Variants in EYS observed in about 807,000 individuals in gnomAD.
EYS encodes the protein EGF-like photoreceptor maintenance factor.
In EYS, 250 loss-of-function variants were observed where a neutral mutation model predicts 282.1. That is an observed-to-expected ratio of 0.89 (90% confidence interval 0.80 to 0.98). The LOEUF (loss-of-function observed/expected upper bound fraction) is 0.98. EYS is among the 50% of genes least tolerant of loss of function. The probability of loss-of-function intolerance (pLI) is 0.00; values close to 1 mark genes in which losing one functional copy is unlikely to be tolerated. For missense variants in EYS, 4,016 were observed against 3,709.0 expected, an observed-to-expected ratio of 1.08 and a Z score of -2.15; for synonymous variants, 1,355 against 1,282.9, an observed-to-expected ratio of 1.06 and a Z score of -1.20.
Position 65,071,987 on chromosome 6 carries a change from C to G in EYS, c.2024-14260G>C, listed in dbSNP as rs77457964. Among the ~76,000 whole-genome samples the G allele has an allele frequency of 7.1e-3, 1,073 of 151,836 alleles. 11 individuals carry two copies. The highest frequency in any genetic ancestry group is 0.024 in the African/African-American group (1,013 of 41,504). On this transcript the variant is annotated intron_variant, in intron 12 of 42. Transcript: ENST00000503581. ...TGTCTTGATATTGACTTTCCAGCCT[C>G]CAGACTATAAGATAATAAATTTCTC...
intron 22 of EYS, among the ~76,000 whole-genome samples, chr6:64,664,429 G>A (rs567449403): frequency 6.6e-6 from 1 of 152,262 alleles, no homozygotes; most frequent in African/African-American, 2.4e-5. Flanking sequence ...GCAAGGCTTA[G>A]GAATTCTTAG....
chr6:64,348,701 C>A (rs559868529), intron 29 of EYS, among the ~76,000 whole-genome samples: 1 of 151,464 alleles, frequency 6.6e-6, no homozygotes, highest in African/African-American at 2.4e-5. Flanking sequence ...CAAATCTTTG[C>A]AGTTCCTTTA....
At chr6:64,178,118 G>GT (rs984683027) in intron 31 of EYS, among the ~76,000 whole-genome samples, 8 of 152,042 alleles carry the variant, frequency 5.3e-5, no homozygotes, top group African/African-American at 1.9e-4. Flanking sequence ...CAGGTTATTA[G>GT]TTTTCCATCT....
intron 22 of EYS, among the ~76,000 whole-genome samples, chr6:64,635,648 C>T (rs534355097): frequency 2.8e-4 from 42 of 152,244 alleles, no homozygotes; most frequent in African/African-American, 9.9e-4. Context: ...GTATATTGAA[C>T]CAGCCTTGCA....
intron 12 of EYS, among the ~76,000 whole-genome samples, chr6:65,155,200 T>C (rs1283029696): frequency 6.6e-6 from 1 of 151,564 alleles, no homozygotes; most frequent in African/African-American, 2.4e-5. Context: ...GCATTACCAC[T>C]GACAGGTTAG....
chr6:65,118,713 A>G (rs772227644), intron 12 of EYS, among the ~76,000 whole-genome samples: 9 of 152,206 alleles, frequency 5.9e-5, no homozygotes, highest in Admixed American at 2.0e-4. Context: ...GAAAGCCACA[A>G]GAGAGTTTTA....
chr6:64,658,814 T>C (rs1768868093), intron 22 of EYS, among the ~76,000 whole-genome samples: 1 of 152,060 alleles, frequency 6.6e-6, no homozygotes, highest in Admixed American at 6.6e-5. Context: ...CCACTGTCAA[T>C]ATTAGACAGA....
intron 15 of EYS, among the ~76,000 whole-genome samples, chr6:64,940,050 T>G (rs1420475721): frequency 6.6e-6 from 1 of 152,012 alleles, no homozygotes; most frequent in Non-Finnish European, 1.5e-5. Flanking sequence ...TTTTCCTCCA[T>G]CCTCCTAGGT....
chr6:64,791,805 T>C (rs1291657053), intron 22 of EYS, among the ~76,000 whole-genome samples: 3 of 151,948 alleles, frequency 2.0e-5, no homozygotes, highest in Non-Finnish European at 4.4e-5. Context: ...AATATTGCAT[T>C]ATTTCCAGAA....
chr6:64,236,138 C>T (rs1766598808), intron 30 of EYS, among the ~76,000 whole-genome samples: 1 of 152,086 alleles, frequency 6.6e-6, no homozygotes, highest in African/African-American at 2.4e-5. Flanking sequence ...ATCAAGTGGG[C>T]TTTTTTCTGT....
intron 1 of EYS, among the ~76,000 whole-genome samples, chr6:65,670,237 T>C (rs1432048222): frequency 8.6e-5 from 13 of 152,040 alleles, no homozygotes; most frequent in Admixed American, 8.5e-4. Flanking sequence ...AACATTTCCT[T>C]GTAATATAAA....
At chr6:65,411,491 C>T (rs1767009791) in intron 5 of EYS, among the ~76,000 whole-genome samples, 1 of 151,462 alleles carries the variant, frequency 6.6e-6, no homozygotes. Flanking sequence ...AGAAAATTGG[C>T]ATTAGCATAA....
intron 22 of EYS, among the ~76,000 whole-genome samples, chr6:64,739,461 T>C (rs1046417559): frequency 1.6e-4 from 25 of 152,310 alleles, no homozygotes; most frequent in African/African-American, 4.6e-4. Context: ...CATGACCACA[T>C]ATAAAATAAT....
chr6:64,314,724 A>G (rs1769869308), intron 29 of EYS, among the ~76,000 whole-genome samples: 1 of 152,204 alleles, frequency 6.6e-6, no homozygotes, highest in Non-Finnish European at 1.5e-5. Context: ...TGTTCTTTGA[A>G]ACCAATGAGA....
chr6:63,756,687 G>T (rs1271446028), intron 41 of EYS, among the ~76,000 whole-genome samples: 1 of 152,068 alleles, frequency 6.6e-6, no homozygotes, highest in Non-Finnish European at 1.5e-5. Flanking sequence ...CAAACGGAGG[G>T]ACTGGCTGGA....
intron 34 of EYS, among the ~76,000 whole-genome samples, chr6:63,998,791 CTT>C (rs60945987): frequency 1.9e-3 from 264 of 140,218 alleles, no homozygotes; most frequent in Non-Finnish European, 1.2e-3. Flanking sequence ...CTGGAGCTGT[CTT>C]TTTTTTTTTT....
chr6:65,179,035 C>T (rs1765302067), intron 12 of EYS, among the ~76,000 whole-genome samples: 1 of 151,974 alleles, frequency 6.6e-6, no homozygotes, highest in African/African-American at 2.4e-5. Context: ...CACAACATAC[C>T]AGAATCTCTG....
In EYS at chr6:63,764,071, G is replaced by A. The variant is rs191346475; in HGVS notation, c.7899-1438C>T. 7.3e-3 allele frequency among the ~76,000 whole-genome samples: 1,103 copies of A among 151,054 alleles called. 18 individuals are homozygous for A. Among genetic ancestry groups the A allele is most frequent in the African/African-American group, 0.025 (1,035 of 41,120 alleles). On this transcript the variant is annotated intron_variant, in intron 40 of 42. Coordinates refer to ENST00000503581, the MANE Select transcript of EYS (RefSeq NM_001142800.2). Reference sequence around the variant, plus strand: ...GAAAACACTACACTAAAGAGTACATGAGAGAAAGGGTTAACTTAAAATTCC... The same window carrying A: ...GAAAACACTACACTAAAGAGTACATAAGAGAAAGGGTTAACTTAAAATTCC...
intron 8 of EYS, among the ~76,000 whole-genome samples, chr6:65,375,123 G>A (rs930728022): frequency 5.3e-5 from 8 of 152,122 alleles, no homozygotes; most frequent in East Asian, 3.9e-4. Flanking sequence ...CAGACACCTC[G>A]TATGGGAGAG....
Sources: allele counts gnomAD v4.1 joint callset (sites outside exome capture counted in the v4.1 genomes callset), GRCh38; gene constraint gnomAD v4.1.1; transcripts MANE v1.5; gene names NCBI Gene and HGNC (gene_info 2026-07-23, HGNC 2026-07-21).